TFCP2: variants seen among roughly 807,000 people sequenced by gnomAD.
TFCP2 encodes transcription factor CP2, also known as alpha-globin transcription factor CP2.
Under a neutral mutation model 73.4 loss-of-function variants are expected in TFCP2, and 33 were observed. The observed-to-expected ratio is 0.45, with a 90% CI of 0.34 to 0.60. TFCP2 has a LOEUF of 0.60. Ranked by LOEUF, TFCP2 falls within the 20% of genes least tolerant of loss-of-function variation. The probability of loss-of-function intolerance (pLI) is 0.01; values close to 1 mark genes in which losing one functional copy is unlikely to be tolerated. For missense variants in TFCP2, 352 were observed against 604.0 expected (o/e 0.58, Z 4.37); for synonymous variants, 193 against 211.6 (o/e 0.91, Z 0.76).
intron 1 of TFCP2, among the ~76,000 whole-genome samples, chr12:51,139,531 C>T (rs1226900507): frequency 6.6e-6 from 1 of 152,106 alleles, no homozygotes; most frequent in Non-Finnish European, 1.5e-5. Context: ...GCACACACCA[C>T]CACACCTGGC....
At chr12:51,169,559 G>A (rs1331283647) in intron 1 of TFCP2, among the ~76,000 whole-genome samples, 1 of 151,432 alleles carries the variant, frequency 6.6e-6, no homozygotes, top group South Asian at 2.1e-4. Flanking sequence ...TGAAAAAAAG[G>A]ATGAAAAAAA....
intron 1 of TFCP2, among the ~76,000 whole-genome samples, chr12:51,143,366 G>GA (rs1316365556): frequency 6.7e-6 from 1 of 148,946 alleles, no homozygotes; most frequent in Non-Finnish European, 1.5e-5. Flanking sequence ...ATTCAAACCA[G>GA]AACTATTGAA....
intron 1 of TFCP2, among the ~76,000 whole-genome samples, chr12:51,122,445 G>C (rs2136990277): frequency 6.6e-6 from 1 of 151,808 alleles, no homozygotes; most frequent in East Asian, 1.9e-4. Context: ...TTTTAGTAGA[G>C]ACAGGGTTTC....
intron 4 of TFCP2, among the ~76,000 whole-genome samples, chr12:51,112,615 C>T (rs1219143268): frequency 6.6e-6 from 1 of 152,046 alleles, no homozygotes; most frequent in African/African-American, 2.4e-5. Context: ...GCCTGCAATC[C>T]CAGTACTTTG....
At chr12:51,147,374 T>C (rs1185831866) in intron 1 of TFCP2, among the ~76,000 whole-genome samples, 4 of 152,118 alleles carry the variant, frequency 2.6e-5, no homozygotes, top group South Asian at 2.1e-4. Flanking sequence ...AATTAAACCA[T>C]TGGTGAAAGG....
intron 1 of TFCP2, among the ~76,000 whole-genome samples, chr12:51,132,403 C>G (rs909896351): frequency 9.7e-6 from 1 of 103,350 alleles, no homozygotes. Context: ...GAGTCTCGCT[C>G]TATCACCCAG....
chr12:51,136,125 T>G (rs1401534116), intron 1 of TFCP2, among the ~76,000 whole-genome samples: 1 of 151,742 alleles, frequency 6.6e-6, no homozygotes, highest in Non-Finnish European at 1.5e-5. Flanking sequence ...GCCAACATAG[T>G]GAAACCCCGT....
chr12:51,171,055 T>G (rs1383957482), intron 1 of TFCP2, among the ~76,000 whole-genome samples: 1 of 152,204 alleles, frequency 6.6e-6, no homozygotes, highest in Non-Finnish European at 1.5e-5. Flanking sequence ...AAAGGAACTT[T>G]ATATAACTCT....
At chr12:51,100,856 T>C (rs1240428085) in intron 11 of TFCP2, among the ~76,000 whole-genome samples, 2 of 152,212 alleles carry the variant, frequency 1.3e-5, no homozygotes, top group Non-Finnish European at 2.9e-5. Flanking sequence ...AAATAAATAC[T>C]GCACACTCTG....
chr12:51,145,117 C>A (rs1183497296), intron 1 of TFCP2, among the ~76,000 whole-genome samples: 1 of 150,816 alleles, frequency 6.6e-6, no homozygotes, highest in Non-Finnish European at 1.5e-5. Context: ...AGGAGAATCG[C>A]TTGAACCTGG....
intron 13 of TFCP2, among the ~76,000 whole-genome samples, chr12:51,098,133 A>AT (rs890102954): frequency 3.3e-5 from 5 of 150,780 alleles, no homozygotes; most frequent in Non-Finnish European, 4.4e-5. Context: ...ACAATCATGT[A>AT]TTTTTTTTTA....
intron 6 of TFCP2, among the ~76,000 whole-genome samples, chr12:51,108,421 T>A (rs531800336): frequency 6.6e-6 from 1 of 152,264 alleles, no homozygotes; most frequent in East Asian, 1.9e-4. Flanking sequence ...TTGCTATGAA[T>A]ACCTCTGTAT....
At chr12:51,105,101 T>C (rs74743569) in intron 8 of TFCP2, among the ~76,000 whole-genome samples, 1 of 145,178 alleles carries the variant, frequency 6.9e-6, no homozygotes, top group Non-Finnish European at 1.5e-5. Context: ...TTTCTTTTTC[T>C]TTTTTTTTTT....
chr12:51,139,919 G>C (rs1367880788), intron 1 of TFCP2, among the ~76,000 whole-genome samples: 1 of 152,076 alleles, frequency 6.6e-6, no homozygotes, highest in Non-Finnish European at 1.5e-5. Flanking sequence ...ATGTGCCCAA[G>C]GTTACACAGC....
intron 1 of TFCP2, among the ~76,000 whole-genome samples, chr12:51,157,836 G>A (rs532566816): frequency 3.2e-4 from 49 of 151,158 alleles, no homozygotes; most frequent in African/African-American, 1.1e-3. Flanking sequence ...GATCATAGGC[G>A]TGTACTAATT....
chr12:51,112,638 G>A (rs1273675187), intron 4 of TFCP2, among the ~76,000 whole-genome samples: 9 of 152,110 alleles, frequency 5.9e-5, no homozygotes, highest in Admixed American at 3.3e-4. Flanking sequence ...AGGCCAAGGC[G>A]GGTGGATCAT....
intron 1 of TFCP2, among the ~76,000 whole-genome samples, chr12:51,162,101 T>C (rs552297560): frequency 4.0e-5 from 6 of 151,852 alleles, no homozygotes; most frequent in South Asian, 2.1e-4. Flanking sequence ...AACATGAAGA[T>C]AGAATTGAAA....
chr12:51,111,618 G>A (rs1012374611), intron 4 of TFCP2, among the ~76,000 whole-genome samples: 1 of 152,122 alleles, frequency 6.6e-6, no homozygotes, highest in African/African-American at 2.4e-5. Context: ...CACTTTGGGA[G>A]CCCAAGGCAG....
At chr12:51,106,704 TA>T in intron 7 of TFCP2, 91 bp from the exon 8 acceptor site, 1 of 958,384 alleles carries the variant, frequency 1.0e-6, no homozygotes. Context: ...ACATCTTGAT[TA>T]GTAAATCTTA....
Sources: allele counts gnomAD v4.1 joint callset (sites outside exome capture counted in the v4.1 genomes callset), GRCh38; gene constraint gnomAD v4.1.1; transcripts MANE v1.5; gene names NCBI Gene and HGNC (gene_info 2026-07-23, HGNC 2026-07-21).